The following MS4A4E variants were observed in gnomAD, a reference collection of about 807,000 sequenced individuals.
The protein encoded by MS4A4E is putative membrane-spanning 4-domains subfamily A member 4E.
A neutral mutation model predicts 13.3 loss-of-function variants in MS4A4E; 23 were observed. The observed-to-expected ratio is 1.73, with a 90% CI of 1.25 to 2.45. The LOEUF (loss-of-function observed/expected upper bound fraction) is 2.45. Ranked by LOEUF, MS4A4E falls within the 30% of genes most tolerant of loss-of-function variation. The pLI is 0.00. For missense variants in MS4A4E, 144 were observed against 131.2 expected (o/e 1.10, Z -0.48); for synonymous variants, 36 against 45.6 (o/e 0.79, Z 0.85).
At chr11:60,242,053 CT>C (rs2084559145) in intron 1 of MS4A4E, among the ~76,000 whole-genome samples, 1 of 152,158 alleles carries the variant, frequency 6.6e-6, no homozygotes, top group African/African-American at 2.4e-5. Flanking sequence ...CGGTCATCCC[CT>C]TTTTCTTGGC....
chr11:60,223,239 G>C (rs613548), intron 3 of MS4A4E, among the ~76,000 whole-genome samples: 139,009 of 152,260 alleles, frequency 0.91, 63,599 homozygotes, highest in Non-Finnish European at 0.94. Context: ...TACATTTGTA[G>C]TAAGAAAATA....
intron 1 of MS4A4E, among the ~76,000 whole-genome samples, chr11:60,233,799 G>A (rs572360515): frequency 6.6e-6 from 1 of 152,266 alleles, no homozygotes; most frequent in East Asian, 1.9e-4. Context: ...TCCCAATTAG[G>A]GATATGCCTA....
Position 60,230,005 on chromosome 11 carries a change from A to G in MS4A4E, c.51T>C (p.Asp17=), listed in dbSNP as rs764965451. The G allele has an allele frequency of 1.2e-6, 2 of 1,613,452 alleles. No homozygotes were observed. Among genetic ancestry groups the G allele is most frequent in the Non-Finnish European group, 1.7e-6 (2 of 1,179,740 alleles). Residue 17 remains aspartate (D), a synonymous_variant, in exon 2 of 9, where the codon GAT becomes GAC. Coordinates refer to ENST00000651255, the MANE Select transcript of MS4A4E (RefSeq NM_001393391.1). ...MEQTTPGAGP[D]VPQLGNIDVI... ...CATCTATGTTTCCCAGCTGGGGCACATCAGGGCCAGCCCCTGGAGTGGTCT... is the reference window on the plus strand; with the variant it reads ...CATCTATGTTTCCCAGCTGGGGCACGTCAGGGCCAGCCCCTGGAGTGGTCT...
chr11:60,224,039 T>G (rs996660743), intron 3 of MS4A4E, among the ~76,000 whole-genome samples: 1 of 152,210 alleles, frequency 6.6e-6, no homozygotes, highest in South Asian at 2.1e-4. Context: ...AACTGTCTCA[T>G]TCTCAGTTTT....
At position 60,221,628 on chromosome 11, in the gene MS4A4E, T is replaced by C. The variant is rs540661466; in HGVS notation, c.178+6966A>G. On this transcript the variant is annotated intron_variant, in intron 3 of 8. Coordinates refer to ENST00000651255, the MANE Select transcript of MS4A4E (RefSeq NM_001393391.1). ...GAATGTTGAGCACTGCACCTCATTG[T>C]GCACTTTGCTTGGAAGGAGAAATGG... Among the ~76,000 whole-genome samples the C allele has an allele frequency of 6.6e-4, 100 of 152,356 alleles. 2 individuals carry two copies. In the South Asian group the frequency reaches 0.02, roughly 31 times the overall value.
At chr11:60,214,528 A>T in intron 4 of MS4A4E, 43 bp downstream of exon 4, 1 of 1,403,896 alleles carries the variant, frequency 7.1e-7, no homozygotes, top group African/African-American at 1.5e-5. Flanking sequence ...TACATTATTG[A>T]TTAATCCTTT....
At chr11:60,217,522 C>A (rs112708937) in intron 3 of MS4A4E, among the ~76,000 whole-genome samples, 1 of 152,130 alleles carries the variant, frequency 6.6e-6, no homozygotes, top group Non-Finnish European at 1.5e-5. Flanking sequence ...ATAAACCCTG[C>A]GCTGCCTAAT....
At chr11:60,235,529 T>G (rs1287481295) in intron 1 of MS4A4E, among the ~76,000 whole-genome samples, 8 of 152,220 alleles carry the variant, frequency 5.3e-5, no homozygotes, top group Non-Finnish European at 1.0e-4. Context: ...AGCGACTACT[T>G]GTAGGGTTGT....
intron 5 of MS4A4E, among the ~76,000 whole-genome samples, 138 bp downstream of exon 5, chr11:60,212,836 A>T (rs1045259129): frequency 3.3e-4 from 51 of 152,354 alleles, no homozygotes; most frequent in African/African-American, 1.1e-3. Context: ...TAAATGAAAG[A>T]TTATTCTATT....
intron 1 of MS4A4E, among the ~76,000 whole-genome samples, chr11:60,235,332 A>G (rs192204053): frequency 1.3e-3 from 199 of 152,332 alleles, no homozygotes; most frequent in Non-Finnish European, 2.5e-3. Context: ...GGGTCAAGCA[A>G]TCTTCTTACC....
chr11:60,218,689 C>T (rs956820351), intron 3 of MS4A4E, among the ~76,000 whole-genome samples: 3 of 152,098 alleles, frequency 2.0e-5, no homozygotes, highest in Non-Finnish European at 4.4e-5. Context: ...TCCCAAGGCC[C>T]CTGTTTGCTT....
At chr11:60,209,744 C>T (rs1190073674) in intron 5 of MS4A4E, among the ~76,000 whole-genome samples, 1 of 152,128 alleles carries the variant, frequency 6.6e-6, no homozygotes, top group East Asian at 1.9e-4. Flanking sequence ...AATTTTACCC[C>T]GGACTGATGC....
At chr11:60,241,063 G>A (rs1425105413) in intron 1 of MS4A4E, among the ~76,000 whole-genome samples, 4 of 152,046 alleles carry the variant, frequency 2.6e-5, no homozygotes, top group African/African-American at 9.7e-5. Context: ...TCGCTCTGTT[G>A]CCCAGGCTGG....
At chr11:60,237,390 A>G (rs1402201227) in intron 1 of MS4A4E, among the ~76,000 whole-genome samples, 2 of 152,174 alleles carry the variant, frequency 1.3e-5, no homozygotes, top group Non-Finnish European at 2.9e-5. Context: ...GCTACTGTGA[A>G]TAGTGCAGCA....
At chr11:60,205,376 A>G (rs554235098) in intron 7 of MS4A4E, among the ~76,000 whole-genome samples, 26 of 152,224 alleles carry the variant, frequency 1.7e-4, no homozygotes, top group Non-Finnish European at 3.4e-4. Context: ...TGCTTAAAAC[A>G]ATGTCTGCCC....
chr11:60,226,701 C>G (rs1438934218), intron 3 of MS4A4E, among the ~76,000 whole-genome samples: 1 of 152,128 alleles, frequency 6.6e-6, no homozygotes, highest in Non-Finnish European at 1.5e-5. Context: ...TGGAGAAATT[C>G]AAAGCTTTCT....
At chr11:60,229,307 A>C (rs1321656880) in intron 2 of MS4A4E, among the ~76,000 whole-genome samples, 2 of 152,256 alleles carry the variant, frequency 1.3e-5, no homozygotes, top group Non-Finnish European at 2.9e-5. Flanking sequence ...TCTCTCCAAA[A>C]AAATGAATAA....
Position 60,208,610 on chromosome 11 carries a change from A to C in MS4A4E, c.466T>G (p.Cys156Gly). The change falls in exon 6 of 9, where the codon TGT (cysteine) becomes GGT (glycine). Residue 156 changes from cysteine to glycine, a missense_variant. Transcript: ENST00000651255. ...ATACTGACCTCACTGGGGCTACAAC[A>C]AAGCACTTTACATCCAAAGGCAGAG... is the stretch of plus-strand genomic sequence containing the variant. ...ALSAFGCKVL[C>G]CSPSESKNKI... 1 of 1,405,226 alleles carries C rather than the reference A, an allele frequency of 7.1e-7. No individual in the cohort carries two copies. Among genetic ancestry groups the C allele is most frequent in the Non-Finnish European group, 1.0e-6 (1 of 1,000,224 alleles). The allele number at this position is 1,405,226 out of a possible 1,614,324, so 87.0% of individuals were successfully genotyped here.
At chr11:60,202,547 T>G (rs970078431) in intron 8 of MS4A4E, among the ~76,000 whole-genome samples, 1 of 152,174 alleles carries the variant, frequency 6.6e-6, no homozygotes, top group African/African-American at 2.4e-5. Context: ...TCCTCTCAGA[T>G]AGCCAACTGA....
Sources: gnomAD v4.1 joint callset for allele counts (sites outside exome capture counted in the v4.1 genomes callset) on GRCh38, gnomAD v4.1.1 for gene constraint, MANE v1.5 for transcripts, NCBI Gene and HGNC (gene_info 2026-07-23, HGNC 2026-07-21) for gene names.